The following GLCE variants were observed in gnomAD, a reference collection of about 807,000 sequenced individuals.
GLCE encodes the protein D-glucuronyl C5-epimerase.
GLCE carries 19 observed loss-of-function variants against 47.9 expected under a neutral mutation model. The ratio of observed to expected loss-of-function variants is 0.40; its 90% CI spans 0.28 to 0.58. The LOEUF (loss-of-function observed/expected upper bound fraction) is 0.58. Among genes scored for constraint, GLCE ranks in the 20% least tolerant of loss-of-function variants. GLCE has a pLI of 0.48. For synonymous variants in GLCE, 245 were observed against 263.4 expected, an observed-to-expected ratio of 0.93 and a Z score of 0.68; for missense variants, 556 against 743.3, an observed-to-expected ratio of 0.75 and a Z score of 2.93.
chr15:69,234,379 T>C lies in GLCE; in HGVS notation c.-13-21415T>C, dbSNP rs148966854. The stretch of plus-strand genomic sequence containing the variant: ...CCGCCCCATAGAAGATGATTTTGAT[T>C]TGGGAAGAAAGACAGAAAGTATAAT... On this transcript the variant is annotated intron_variant, in intron 2 of 4. Coordinates refer to ENST00000261858, the MANE Select transcript of GLCE (RefSeq NM_015554.3). Among the ~76,000 whole-genome samples the C allele has an allele frequency of 5.9e-3, 898 of 152,232 alleles. 2 individuals carry two copies. Among genetic ancestry groups the C allele is most frequent in the Non-Finnish European group, 9.1e-3 (622 of 68,024 alleles).
intron 2 of GLCE, among the ~76,000 whole-genome samples, chr15:69,249,081 T>C (rs1411971384): frequency 2.0e-5 from 3 of 152,176 alleles, no homozygotes; most frequent in East Asian, 3.8e-4. Context: ...GGGTGAGAAC[T>C]GGTATTTTAG....
At chr15:69,204,572 A>G (rs1462995944) in intron 1 of GLCE, among the ~76,000 whole-genome samples, 1 of 151,974 alleles carries the variant, frequency 6.6e-6, no homozygotes, top group Non-Finnish European at 1.5e-5. Flanking sequence ...AGCATGAGCC[A>G]CCTTGCCTGG....
chr15:69,205,023 T>TG (rs2052131025), intron 1 of GLCE, among the ~76,000 whole-genome samples: 1 of 152,112 alleles, frequency 6.6e-6, no homozygotes, highest in African/African-American at 2.4e-5. Context: ...TAAATGAACA[T>TG]GCAGTAAAAC....
At chr15:69,216,699 C>A (rs776745606) in intron 2 of GLCE, among the ~76,000 whole-genome samples, 3 of 152,012 alleles carry the variant, frequency 2.0e-5, no homozygotes, top group Non-Finnish European at 4.4e-5. Context: ...AGTTCTTGCC[C>A]TTTTAAGAAC....
intron 1 of GLCE, among the ~76,000 whole-genome samples, chr15:69,189,791 G>A (rs911046869): frequency 2.0e-5 from 3 of 151,958 alleles, no homozygotes; most frequent in African/African-American, 7.3e-5. Context: ...TTACTGCTTA[G>A]GATTAGCTTG....
chr15:69,267,880 A>G (rs567593960), intron 4 of GLCE, among the ~76,000 whole-genome samples: 2 of 143,512 alleles, frequency 1.4e-5, no homozygotes, highest in Admixed American at 7.2e-5. Context: ...TGGGTATAGT[A>G]GAATAGTCAT....
At position 69,178,685 on chromosome 15, in the gene GLCE, T is replaced by G. The variant is rs77891408; in HGVS notation, c.-105+17928T>G. Among the ~76,000 whole-genome samples, 231 of 152,246 alleles carry G rather than the reference T, an allele frequency of 1.5e-3. 1 individual carries two copies. Among genetic ancestry groups the G allele is most frequent in the African/African-American group, 5.3e-3 (221 of 41,550 alleles). ...ATAATACACAACACTGGCAAAGATA[T>G]CTAGAATCACTGTTATATACTGTAG... On this transcript the variant is annotated intron_variant, in intron 1 of 4. Transcript: ENST00000261858.
chr15:69,218,209 T>C (rs1235525773), intron 2 of GLCE, among the ~76,000 whole-genome samples: 1 of 151,378 alleles, frequency 6.6e-6, no homozygotes, highest in Non-Finnish European at 1.5e-5. Context: ...ATATTGCTTC[T>C]TCTAAGACTA....
intron 2 of GLCE, among the ~76,000 whole-genome samples, chr15:69,216,223 A>T (rs1349010981): frequency 6.6e-6 from 1 of 152,180 alleles, no homozygotes; most frequent in African/African-American, 2.4e-5. Flanking sequence ...GAAGATTGGC[A>T]TTGGATTGAC....
chr15:69,244,119 A>G (rs1316093888), intron 2 of GLCE, among the ~76,000 whole-genome samples: 1 of 152,216 alleles, frequency 6.6e-6, no homozygotes, highest in Middle Eastern at 3.2e-3. Flanking sequence ...AATAATTATG[A>G]CAGAAATAAG....
At position 69,256,302 on chromosome 15, in the gene GLCE, G is replaced by GC; in HGVS notation, c.501dup (p.Tyr168LeufsTer11). 6.2e-7 allele frequency: 1 copy of GC among 1,613,978 alleles called. No homozygotes were observed. Among genetic ancestry groups the GC allele is most frequent in the Non-Finnish European group, 8.5e-7 (1 of 1,179,932 alleles). ...CTATTCCAAAGTCTATGCACAGAGA[G>GC]CCCCCTATCACCCCGATGGTGTGTT... On this transcript the variant is annotated frameshift_variant, in exon 3 of 5. Coordinates refer to ENST00000261858, the MANE Select transcript of GLCE (RefSeq NM_015554.3). LOFTEE classifies it high-confidence loss of function.
intron 2 of GLCE, among the ~76,000 whole-genome samples, chr15:69,240,279 G>A (rs1158119557): frequency 7.0e-6 from 1 of 142,054 alleles, no homozygotes; most frequent in Non-Finnish European, 1.5e-5. Context: ...GCGAGACTCC[G>A]TCTCAAAAAA....
intron 1 of GLCE, among the ~76,000 whole-genome samples, chr15:69,178,948 C>T (rs1161604815): frequency 1.3e-5 from 2 of 152,170 alleles, no homozygotes; most frequent in East Asian, 3.9e-4. Context: ...AGCACTTCTC[C>T]ATAAGCTAAT....
chr15:69,226,360 G>A (rs1276422374), intron 2 of GLCE, among the ~76,000 whole-genome samples: 1 of 152,122 alleles, frequency 6.6e-6, no homozygotes, highest in Non-Finnish European at 1.5e-5. Context: ...CACTGACAAA[G>A]GAATATTTTT....
chr15:69,240,110 G>C (rs1005991874), intron 2 of GLCE, among the ~76,000 whole-genome samples: 3 of 152,096 alleles, frequency 2.0e-5, no homozygotes, highest in African/African-American at 7.2e-5. Flanking sequence ...GCTGAAAATA[G>C]GGATTAATCT....
chr15:69,177,682 C>T (rs191941357), intron 1 of GLCE, among the ~76,000 whole-genome samples: 5 of 151,848 alleles, frequency 3.3e-5, no homozygotes, highest in African/African-American at 7.2e-5. Flanking sequence ...TTACTTCATG[C>T]CCCTTTATCA....
intron 2 of GLCE, among the ~76,000 whole-genome samples, chr15:69,223,711 A>T (rs1044893134): frequency 6.6e-6 from 1 of 151,446 alleles, no homozygotes; most frequent in African/African-American, 2.4e-5. Context: ...GTATATACTC[A>T]TCCAATTGAT....
intron 1 of GLCE, among the ~76,000 whole-genome samples, chr15:69,208,178 G>A (rs2052177420): frequency 6.6e-6 from 1 of 151,774 alleles, no homozygotes; most frequent in Admixed American, 6.6e-5. Context: ...TAATTTTATG[G>A]ATTATGTTTT....
chr15:69,188,074 A>C lies in GLCE; in HGVS notation c.-104-22242A>C, dbSNP rs79943988. On this transcript the variant is annotated intron_variant, in intron 1 of 4. Transcript: ENST00000261858. ...GCGAGACTCCATCTCAAAAAACAAAAAACAACAACAACAAAAAAATTAGCT... is the reference window on the plus strand; with the variant it reads ...GCGAGACTCCATCTCAAAAAACAAACAACAACAACAACAAAAAAATTAGCT... Among the ~76,000 whole-genome samples, 173 of 151,604 alleles carry C rather than the reference A, an allele frequency of 1.1e-3. 1 individual carries two copies. The East Asian group carries it at 0.015, about 13-fold the overall frequency.
Sources: allele counts gnomAD v4.1 joint callset (sites outside exome capture counted in the v4.1 genomes callset), GRCh38; gene constraint gnomAD v4.1.1; transcripts MANE v1.5; gene names NCBI Gene and HGNC (gene_info 2026-07-23, HGNC 2026-07-21).